Variants in CYP39A1 observed in about 807,000 individuals in gnomAD.
CYP39A1 encodes the protein 24-hydroxycholesterol 7-alpha-hydroxylase.
Under a neutral mutation model 58.1 loss-of-function variants are expected in CYP39A1, and 49 were observed. The observed-to-expected ratio is 0.84, with a 90% CI of 0.67 to 1.07. The LOEUF (loss-of-function observed/expected upper bound fraction) is 1.07. Ranked by LOEUF, CYP39A1 falls within the 50% of genes least tolerant of loss-of-function variation. The pLI is 0.00. For missense variants in CYP39A1, 531 were observed against 539.4 expected (o/e 0.98, Z 0.16); for synonymous variants, 209 against 187.6 (o/e 1.11, Z -0.93).
chr6:46,596,894 T>C (rs1351368248), intron 7 of CYP39A1, among the ~76,000 whole-genome samples: 1 of 152,160 alleles, frequency 6.6e-6, no homozygotes, highest in African/African-American at 2.4e-5. Flanking sequence ...CGCTTTCAAT[T>C]TGTTTTTGAC....
intron 7 of CYP39A1, among the ~76,000 whole-genome samples, chr6:46,617,364 G>T (rs1229984798): frequency 1.3e-5 from 2 of 152,072 alleles, no homozygotes; most frequent in Non-Finnish European, 2.9e-5. Context: ...TTTTTAGTGG[G>T]TATTCCAAAG....
intron 7 of CYP39A1, among the ~76,000 whole-genome samples, chr6:46,619,795 C>G (rs1426676843): frequency 1.3e-5 from 2 of 152,096 alleles, no homozygotes; most frequent in African/African-American, 4.8e-5. Flanking sequence ...TGGACTGTTA[C>G]TTTACTCATC....
chr6:46,641,742 C>G (rs754403531), intron 2 of CYP39A1, among the ~76,000 whole-genome samples: 1 of 152,090 alleles, frequency 6.6e-6, no homozygotes, highest in African/African-American at 2.4e-5. Flanking sequence ...TCAGGAAATG[C>G]CACTGTAAAG....
Position 46,553,851 on chromosome 6 carries a change from C to T in CYP39A1, c.1254G>A (p.Trp418Ter), listed in dbSNP as rs1455303732. The change falls in exon 11 of 12, where the codon TGG (tryptophan) becomes TGA (stop). Residue 418 changes from tryptophan to a stop codon, truncating the protein, a stop_gained. Transcript: ENST00000275016. LOFTEE classifies it high-confidence loss of function. ...ACATCTGAACCTCTAACAGAGCAAA[C>T]CACCTGGAAGAAACGAATAAAATTG... ...GSGKFQCPAR[W>*]FALLEVQMCI... 1 of 1,589,108 alleles carries T rather than the reference C, an allele frequency of 6.3e-7. No homozygotes were observed. Among genetic ancestry groups the T allele is most frequent in the African/African-American group, 1.4e-5 (1 of 73,684 alleles).
intron 7 of CYP39A1, among the ~76,000 whole-genome samples, chr6:46,624,271 T>C (rs1392138691): frequency 6.6e-6 from 1 of 152,188 alleles, no homozygotes; most frequent in African/African-American, 2.4e-5. Flanking sequence ...GGAGAATATG[T>C]GACAATCAAG....
intron 8 of CYP39A1, among the ~76,000 whole-genome samples, chr6:46,595,148 AAG>A (rs1253459115): frequency 1.3e-5 from 2 of 152,018 alleles, no homozygotes; most frequent in Non-Finnish European, 2.9e-5. Context: ...CTATATCATA[AAG>A]ATGAAAGATA....
intron 10 of CYP39A1, among the ~76,000 whole-genome samples, chr6:46,575,134 A>G (rs1771785046): frequency 4.6e-5 from 7 of 152,114 alleles, no homozygotes; most frequent in Admixed American, 4.6e-4. Flanking sequence ...CTGAGATCCT[A>G]GCTATGGGAG....
chr6:46,608,526 T>A (rs1462748705), intron 7 of CYP39A1, among the ~76,000 whole-genome samples: 1 of 152,114 alleles, frequency 6.6e-6, no homozygotes, highest in East Asian at 1.9e-4. Flanking sequence ...AAATTATATA[T>A]CTATTTTTTA....
chr6:46,635,709 C>T (rs1040818271), intron 5 of CYP39A1, among the ~76,000 whole-genome samples: 1 of 152,158 alleles, frequency 6.6e-6, no homozygotes, highest in African/African-American at 2.4e-5. Flanking sequence ...TGTGTGCAAC[C>T]ATGCCTGGCT....
At position 46,639,571 on chromosome 6, in the gene CYP39A1, C is replaced by T. The variant is rs774925905; in HGVS notation, c.411G>A (p.Gly137=). 2.5e-6 allele frequency: 4 copies of T among 1,613,920 alleles called. No homozygotes were observed. The highest frequency in any genetic ancestry group is 2.5e-6 in the Non-Finnish European group (3 of 1,179,840). The change falls in exon 3 of 12, where the codon GGG becomes GGA. Residue 137 remains glycine, a synonymous_variant. Coordinates refer to ENST00000275016, the MANE Select transcript of CYP39A1 (RefSeq NM_016593.5). ...GTTCATGTAATTCTTCAGTCAGTTG[C>T]CCAGTAAACTGATGGAGATTGACAG... is the stretch of plus-strand genomic sequence containing the variant. ...MGTVNLHQFT[G]QLTEELHEQL...
Position 46,615,516 on chromosome 6 carries a change from C to T in CYP39A1, c.931+9902G>A, listed in dbSNP as rs115200189. Among the ~76,000 whole-genome samples, 1,011 of 152,116 alleles carry T rather than the reference C, an allele frequency of 6.6e-3. 9 individuals are homozygous for T. The highest frequency in any genetic ancestry group is 0.023 in the African/African-American group (953 of 41,506). On this transcript the variant is annotated intron_variant, in intron 7 of 11. Coordinates refer to ENST00000275016, the MANE Select transcript of CYP39A1 (RefSeq NM_016593.5). ...ACAGTGCAATAATTAACTAGAACAC[C>T]TGTGTACTGGTGTCATATTTTCTGA...
At chr6:46,588,324 A>G (rs1190642293) in intron 8 of CYP39A1, among the ~76,000 whole-genome samples, 195 bp from the exon 9 acceptor site, 1 of 150,108 alleles carries the variant, frequency 6.7e-6, no homozygotes, top group East Asian at 1.9e-4. Flanking sequence ...CTAATAATAT[A>G]GTATCTATAT....
intron 7 of CYP39A1, among the ~76,000 whole-genome samples, chr6:46,608,542 A>C (rs1561986689): frequency 1.3e-5 from 2 of 152,122 alleles, no homozygotes; most frequent in Non-Finnish European, 2.9e-5. Flanking sequence ...TTTTAATAAA[A>C]TATATACTCA....
intron 5 of CYP39A1, among the ~76,000 whole-genome samples, chr6:46,633,132 GGTAAGCA>G (rs1775760604): frequency 6.6e-6 from 1 of 152,038 alleles, no homozygotes; most frequent in African/African-American, 2.4e-5. Context: ...CTTGCCACAA[GGTAAGCA>G]CCCCAAAAAT....
At chr6:46,581,242 T>C (rs984484835) in intron 10 of CYP39A1, among the ~76,000 whole-genome samples, 6 of 152,110 alleles carry the variant, frequency 3.9e-5, no homozygotes, top group African/African-American at 1.2e-4. Flanking sequence ...ACCTTGTCTC[T>C]ACTAAAATTT....
At chr6:46,595,864 T>C (rs1773115269) in intron 8 of CYP39A1, 123 bp downstream of exon 8, 2 of 951,908 alleles carry the variant, frequency 2.1e-6, no homozygotes, top group Non-Finnish European at 1.6e-6. Context: ...AAGACAAATA[T>C]ATAAAATATT....
Position 46,587,105 on chromosome 6 carries a change from C to G in CYP39A1, c.1222G>C (p.Gly408Arg). The change falls in exon 10 of 12, where the codon GGA (glycine) becomes CGA (arginine). Residue 408 changes from glycine (G) to arginine (R), a missense_variant. Transcript: ENST00000275016. ...HSFLDCFMAF[G>R]SGKFQCPARW... ...GCAGGACACTGGAACTTCCCGCTTC[C>G]AAATGCCATGAAGCAGTCCAAGAAA... The G allele has an allele frequency of 6.2e-7, 1 of 1,612,084 alleles. No individual in the cohort carries two copies. Among genetic ancestry groups the G allele is most frequent in the Non-Finnish European group, 8.5e-7 (1 of 1,179,118 alleles).
chr6:46,645,889 C>G (rs1164025913), intron 1 of CYP39A1, among the ~76,000 whole-genome samples: 1 of 151,878 alleles, frequency 6.6e-6, no homozygotes, highest in Non-Finnish European at 1.5e-5. Flanking sequence ...ACATTTATAC[C>G]TAAATATTTC....
At chr6:46,563,519 A>C (rs1421658141) in intron 10 of CYP39A1, among the ~76,000 whole-genome samples, 1 of 152,188 alleles carries the variant, frequency 6.6e-6, no homozygotes, top group Admixed American at 6.5e-5. Context: ...AATGCTACAC[A>C]GGCATTGAGA....
Sources: gnomAD v4.1 joint callset for allele counts (sites outside exome capture counted in the v4.1 genomes callset) on GRCh38, gnomAD v4.1.1 for gene constraint, MANE v1.5 for transcripts, NCBI Gene and HGNC (gene_info 2026-07-23, HGNC 2026-07-21) for gene names.